TMEM163: variants seen among roughly 807,000 people sequenced by gnomAD.
TMEM163 encodes the protein transmembrane protein 163.
TMEM163 carries 17 observed loss-of-function variants against 29.3 expected under a neutral mutation model. The ratio of observed to expected loss-of-function variants is 0.58; its 90% CI spans 0.40 to 0.87. The LOEUF (loss-of-function observed/expected upper bound fraction) is 0.87, where lower values mean the gene tolerates loss of function less well. Ranked by LOEUF, TMEM163 falls within the 40% of genes least tolerant of loss-of-function variation. TMEM163 has a pLI of 0.00. For synonymous variants in TMEM163, 157 were observed against 160.6 expected, an observed-to-expected ratio of 0.98 and a Z score of 0.17; for missense variants, 303 against 381.5, an observed-to-expected ratio of 0.79 and a Z score of 1.71.
At chr2:134,506,945 C>T (rs772477621) in intron 4 of TMEM163, among the ~76,000 whole-genome samples, 1 of 152,194 alleles carries the variant, frequency 6.6e-6, no homozygotes, top group Non-Finnish European at 1.5e-5. Context: ...ACTCCTCCCT[C>T]CTGCCCCAAC....
chr2:134,512,023 G>C (rs546105808), intron 4 of TMEM163, among the ~76,000 whole-genome samples: 1 of 152,302 alleles, frequency 6.6e-6, no homozygotes, highest in East Asian at 1.9e-4. Flanking sequence ...GTAGTTGTGT[G>C]TGTGCAGATA....
At chr2:134,637,499 G>C (rs1164470911) in intron 2 of TMEM163, among the ~76,000 whole-genome samples, 6 of 152,200 alleles carry the variant, frequency 3.9e-5, no homozygotes, top group African/African-American at 1.4e-4. Flanking sequence ...ATAAATGAAT[G>C]AATAAACATA....
At chr2:134,565,638 G>A (rs1376279345) in intron 2 of TMEM163, among the ~76,000 whole-genome samples, 3 of 151,714 alleles carry the variant, frequency 2.0e-5, no homozygotes, top group Non-Finnish European at 4.4e-5. Context: ...ACATACATAT[G>A]GATACTTGAA....
At chr2:134,584,846 T>C (rs1681777587) in intron 2 of TMEM163, among the ~76,000 whole-genome samples, 1 of 152,114 alleles carries the variant, frequency 6.6e-6, no homozygotes, top group African/African-American at 2.4e-5. Context: ...GTATTTCCAT[T>C]TCTAGCTAAG....
intron 2 of TMEM163, among the ~76,000 whole-genome samples, chr2:134,706,057 G>A (rs1179643507): frequency 6.6e-6 from 1 of 152,204 alleles, no homozygotes; most frequent in East Asian, 1.9e-4. Context: ...CAGGCAGGCA[G>A]CTGCTGAGAC....
chr2:134,619,095 T>C (rs1042804576), intron 2 of TMEM163, among the ~76,000 whole-genome samples: 5 of 152,126 alleles, frequency 3.3e-5, no homozygotes, highest in Non-Finnish European at 2.9e-5. Flanking sequence ...GCCCTACATA[T>C]GCAAAAAACT....
At position 134,631,188 on chromosome 2, in the gene TMEM163, T is replaced by C. The variant is rs148933247; in HGVS notation, c.323-79097A>G. On this transcript the variant is annotated intron_variant, in intron 2 of 7. Transcript: ENST00000281924. ...ATCTTGGACTGGGGTGGCTAGAATA[T>C]GTCAAGGGGGACATGGCAGTTCCGA... Among the ~76,000 whole-genome samples, 32 of 152,254 alleles carry C rather than the reference T, an allele frequency of 2.1e-4. No homozygotes were observed. The East Asian group carries it at 3.1e-3, about 15-fold the overall frequency.
At chr2:134,634,972 C>A (rs1683072417) in intron 2 of TMEM163, among the ~76,000 whole-genome samples, 1 of 152,200 alleles carries the variant, frequency 6.6e-6, no homozygotes, top group African/African-American at 2.4e-5. Context: ...CAAGTGAAAC[C>A]AAATTTTAAA....
At chr2:134,481,387 G>T (rs906053745) in intron 5 of TMEM163, among the ~76,000 whole-genome samples, 5 of 151,070 alleles carry the variant, frequency 3.3e-5, no homozygotes, top group Admixed American at 3.3e-4. Context: ...TGGGGGGGGG[G>T]GGAGCTTTTC....
chr2:134,459,675 C>T (rs1686489829), intron 6 of TMEM163, among the ~76,000 whole-genome samples: 1 of 151,904 alleles, frequency 6.6e-6, no homozygotes, highest in Admixed American at 6.5e-5. Flanking sequence ...AAGTCAAAGT[C>T]ATCCTCATCC....
At chr2:134,713,790 C>T (rs894306045) in intron 1 of TMEM163, among the ~76,000 whole-genome samples, 103 of 152,296 alleles carry the variant, frequency 6.8e-4, no homozygotes, top group Non-Finnish European at 6.5e-4. Flanking sequence ...CTGGGTTTTG[C>T]CCAAAGCAAG....
intron 5 of TMEM163, among the ~76,000 whole-genome samples, chr2:134,502,060 C>T (rs1679707077): frequency 6.6e-6 from 1 of 152,188 alleles, no homozygotes; most frequent in South Asian, 2.1e-4. Context: ...CACACAAACA[C>T]ACATACATGC....
intron 2 of TMEM163, among the ~76,000 whole-genome samples, chr2:134,560,171 T>G (rs1289595849): frequency 6.6e-6 from 1 of 152,174 alleles, no homozygotes; most frequent in African/African-American, 2.4e-5. Flanking sequence ...TCGTTCCCAA[T>G]CTGAGCTCTC....
intron 2 of TMEM163, among the ~76,000 whole-genome samples, chr2:134,580,681 C>G (rs143544349): frequency 0.087 from 13,164 of 152,132 alleles, 671 homozygotes; most frequent in Middle Eastern, 0.17. Context: ...GGAGGCCGAG[C>G]CAGGTGGATC....
intron 4 of TMEM163, among the ~76,000 whole-genome samples, chr2:134,511,309 G>A (rs1440546995): frequency 6.6e-6 from 1 of 152,204 alleles, no homozygotes; most frequent in African/African-American, 2.4e-5. Context: ...GCTCCTGGCA[G>A]GAGAGAACCC....
intron 2 of TMEM163, among the ~76,000 whole-genome samples, chr2:134,586,199 G>A (rs576343389): frequency 6.6e-6 from 1 of 152,310 alleles, no homozygotes; most frequent in South Asian, 2.1e-4. Context: ...CTTAATCTCA[G>A]GCCAAGCTTG....
At chr2:134,602,414 A>G (rs1682255849) in intron 2 of TMEM163, among the ~76,000 whole-genome samples, 1 of 152,128 alleles carries the variant, frequency 6.6e-6, no homozygotes, top group Non-Finnish European at 1.5e-5. Flanking sequence ...TCATAAGGTA[A>G]TGGCTCTGAG....
intron 2 of TMEM163, among the ~76,000 whole-genome samples, chr2:134,578,122 G>A (rs367711409): frequency 6.6e-6 from 1 of 152,112 alleles, no homozygotes; most frequent in East Asian, 1.9e-4. Flanking sequence ...TGATAATACA[G>A]TTATATTAGT....
intron 6 of TMEM163, among the ~76,000 whole-genome samples, chr2:134,465,198 A>AAAAAAACAAAC (rs1352256515): frequency 6.9e-6 from 1 of 144,400 alleles, no homozygotes; most frequent in Admixed American, 6.7e-5. Context: ...TTAAAAAAAA[A>AAAAAAACAAAC]AAAAACAAAA....
Sources: gnomAD v4.1 joint callset for allele counts (sites outside exome capture counted in the v4.1 genomes callset) on GRCh38, gnomAD v4.1.1 for gene constraint, MANE v1.5 for transcripts, NCBI Gene and HGNC (gene_info 2026-07-23, HGNC 2026-07-21) for gene names.